SCMH1: variants seen among roughly 807,000 people sequenced by gnomAD.
SCMH1 encodes the protein Scm polycomb group protein homolog 1, also known as polycomb protein SCMH1.
SCMH1 carries 37 observed loss-of-function variants against 70.8 expected under a neutral mutation model. The observed-to-expected ratio is 0.52, with a 90% CI of 0.40 to 0.69. The LOEUF (loss-of-function observed/expected upper bound fraction) is 0.69, where lower values mean the gene tolerates loss of function less well. Ranked by LOEUF, SCMH1 falls within the 30% of genes least tolerant of loss-of-function variation. The probability of loss-of-function intolerance (pLI) is 0.00; values close to 1 mark genes in which losing one functional copy is unlikely to be tolerated. For synonymous variants in SCMH1, 292 were observed against 307.4 expected, an observed-to-expected ratio of 0.95 and a Z score of 0.52; for missense variants, 607 against 827.3, an observed-to-expected ratio of 0.73 and a Z score of 3.27.
intron 6 of SCMH1, among the ~76,000 whole-genome samples, chr1:41,134,817 A>C (rs2148125278): frequency 6.6e-6 from 1 of 152,306 alleles, no homozygotes; most frequent in East Asian, 1.9e-4. Context: ...ATTTTAAACC[A>C]TTAAGTAAAA....
In SCMH1 at chr1:41,107,639, C is replaced by T. The variant is rs182373704; in HGVS notation, c.745+5644G>A. Among the ~76,000 whole-genome samples, 532 of 152,232 alleles carry T rather than the reference C, an allele frequency of 3.5e-3. 2 individuals carry two copies. Among genetic ancestry groups the T allele is most frequent in the African/African-American group, 0.012 (501 of 41,548 alleles). On this transcript the variant is annotated intron_variant, in intron 8 of 14. Transcript: ENST00000337495. ...GGTTCAAGCGATTCTCCTGCCTCAG[C>T]CTCCCGAGTAGCTGGGACTACAGGT... is the stretch of plus-strand genomic sequence containing the variant.
chr1:41,107,810 G>A (rs558746921), intron 8 of SCMH1, among the ~76,000 whole-genome samples: 4 of 152,292 alleles, frequency 2.6e-5, no homozygotes, highest in Admixed American at 2.0e-4. Flanking sequence ...GAGCCACTGC[G>A]CCTAGCCTAG....
chr1:41,135,958 T>G (rs1342923503), intron 6 of SCMH1, among the ~76,000 whole-genome samples: 1 of 152,012 alleles, frequency 6.6e-6, no homozygotes, highest in Non-Finnish European at 1.5e-5. Flanking sequence ...TTTTTTTTTT[T>G]TTTGAGACAG....
At chr1:41,114,949 G>A (rs1245948982) in intron 7 of SCMH1, among the ~76,000 whole-genome samples, 2 of 151,950 alleles carry the variant, frequency 1.3e-5, no homozygotes, top group African/African-American at 4.8e-5. Context: ...AAAAGTGCTG[G>A]GATTACAGGC....
chr1:41,074,024 G>A (rs1657404142), intron 9 of SCMH1, among the ~76,000 whole-genome samples: 1 of 151,856 alleles, frequency 6.6e-6, no homozygotes, highest in Non-Finnish European at 1.5e-5. Flanking sequence ...AGAAATGAGG[G>A]GAGGAGGTGA....
At chr1:41,101,984 A>G (rs1666750565) in intron 8 of SCMH1, among the ~76,000 whole-genome samples, 1 of 152,220 alleles carries the variant, frequency 6.6e-6, no homozygotes, top group South Asian at 2.1e-4. Context: ...AGAACTAAAC[A>G]TGCCTAGTTA....
chr1:41,193,699 A>T (rs563442569), intron 1 of SCMH1, among the ~76,000 whole-genome samples: 1 of 152,290 alleles, frequency 6.6e-6, no homozygotes, highest in Admixed American at 6.5e-5. Flanking sequence ...AAAAGGGACA[A>T]AGTAAGCTAC....
chr1:41,151,421 G>A (rs1572643801), intron 5 of SCMH1, among the ~76,000 whole-genome samples, 193 bp downstream of exon 5: 2 of 152,194 alleles, frequency 1.3e-5, no homozygotes, highest in African/African-American at 2.4e-5. Flanking sequence ...TTGGGATGAA[G>A]GTGGAAAGAA....
At chr1:41,171,104 C>T (rs548431336) in intron 2 of SCMH1, among the ~76,000 whole-genome samples, 4 of 152,306 alleles carry the variant, frequency 2.6e-5, no homozygotes, top group Non-Finnish European at 5.9e-5. Context: ...TTACCAAGGC[C>T]AATCTGGCGA....
chr1:41,181,352 T>C (rs945821733), intron 2 of SCMH1, among the ~76,000 whole-genome samples: 2 of 152,008 alleles, frequency 1.3e-5, no homozygotes, highest in African/African-American at 4.8e-5. Context: ...ACAAATGGGA[T>C]CTAATTAAAC....
At chr1:41,216,125 G>T (rs985231759) in intron 1 of SCMH1, among the ~76,000 whole-genome samples, 5 of 152,128 alleles carry the variant, frequency 3.3e-5, no homozygotes, top group African/African-American at 1.2e-4. Context: ...AAGACAAATT[G>T]AAATGACAGC....
intron 8 of SCMH1, among the ~76,000 whole-genome samples, chr1:41,108,771 A>T (rs1301356705): frequency 6.6e-6 from 1 of 152,206 alleles, no homozygotes; most frequent in Non-Finnish European, 1.5e-5. Context: ...TAGGAGACAG[A>T]GGCACAGGAG....
intron 8 of SCMH1, among the ~76,000 whole-genome samples, chr1:41,089,159 C>T (rs1397764761): frequency 6.6e-6 from 1 of 152,208 alleles, no homozygotes; most frequent in African/African-American, 2.4e-5. Flanking sequence ...GCTTTAAATT[C>T]TACCTATAAT....
chr1:41,188,790 AGT>A (rs1428159191), intron 1 of SCMH1, among the ~76,000 whole-genome samples: 2 of 68 alleles, frequency 0.029, no homozygotes, highest in Non-Finnish European at 0.062. Flanking sequence ...TATAGTAATA[AGT>A]CAAATTATTA....
intron 10 of SCMH1, among the ~76,000 whole-genome samples, chr1:41,062,111 T>G (rs528806858): frequency 1.3e-5 from 2 of 152,028 alleles, no homozygotes; most frequent in Middle Eastern, 3.4e-3. Flanking sequence ...AGTGATCCAC[T>G]GGCCTCAGAC....
At chr1:41,180,679 T>C (rs1032648089) in intron 2 of SCMH1, among the ~76,000 whole-genome samples, 5 of 152,168 alleles carry the variant, frequency 3.3e-5, no homozygotes, top group African/African-American at 1.2e-4. Flanking sequence ...TACAAACCAC[T>C]GCTCAAGGAA....
chr1:41,028,472 C>T, intron 14 of SCMH1, 112 bp downstream of exon 15: 1 of 1,509,040 alleles, frequency 6.6e-7, no homozygotes, highest in Non-Finnish European at 9.1e-7. Context: ...CCTACCTGTT[C>T]TCCTCAGCCT....
intron 10 of SCMH1, among the ~76,000 whole-genome samples, chr1:41,061,811 T>C (rs149816735): frequency 1.2e-4 from 18 of 152,312 alleles, no homozygotes; most frequent in African/African-American, 3.8e-4. Flanking sequence ...TTCAGCAAGG[T>C]AGATCACATT....
intron 1 of SCMH1, among the ~76,000 whole-genome samples, chr1:41,215,052 G>A (rs992578572): frequency 1.2e-4 from 19 of 152,178 alleles, no homozygotes; most frequent in African/African-American, 4.6e-4. Flanking sequence ...TATTTTTTGT[G>A]ATTTTTCATA....
Sources: allele counts gnomAD v4.1 joint callset (sites outside exome capture counted in the v4.1 genomes callset), GRCh38; gene constraint gnomAD v4.1.1; transcripts MANE v1.5; gene names NCBI Gene and HGNC (gene_info 2026-07-23, HGNC 2026-07-21).